SEPTIN9: variants seen among roughly 807,000 people sequenced by gnomAD.
SEPTIN9 encodes the protein septin-9.
SEPTIN9 carries 13 observed loss-of-function variants against 56.6 expected under a neutral mutation model. The observed-to-expected ratio is 0.23, with a 90% CI of 0.15 to 0.37. SEPTIN9 has a LOEUF of 0.37. Ranked by LOEUF, SEPTIN9 falls within the 10% of genes least tolerant of loss-of-function variation. SEPTIN9 has a pLI of 1.00. For missense variants in SEPTIN9, 650 were observed against 823.1 expected, an observed-to-expected ratio of 0.79 and a Z score of 2.57; for synonymous variants, 332 against 334.1, an observed-to-expected ratio of 0.99 and a Z score of 0.07.
At position 77,421,671 on chromosome 17, in the gene SEPTIN9, C is replaced by A. The variant is rs2036706520; in HGVS notation, c.721+18968C>A. Among the ~76,000 whole-genome samples, 1 of 152,172 alleles carries A rather than the reference C, an allele frequency of 6.6e-6. No individual in the cohort carries two copies. Among genetic ancestry groups the A allele is most frequent in the South Asian group, 2.1e-4 (1 of 4,830 alleles). On this transcript the variant is annotated intron_variant, in intron 3 of 11. Transcript: ENST00000427177. This position sits in a 1 kb window ranked among gnomAD's most constrained non-coding sequence, Gnocchi z 4.6. ...CTTTCTCTTTGGAACTGGAGTGGCT[C>A]CTCCACGGTGGATTGGGCTGAGCTC...
intron 3 of SEPTIN9, chr17:77,466,392 G>A (rs1007742771): frequency 1.9e-5 from 19 of 985,356 alleles, no homozygotes; most frequent in African/African-American, 5.2e-5. Flanking sequence ...GCTCCTTCCC[G>A]GAGTTCGGGC....
chr17:77,314,617 A>G (rs1410533553), intron 2 of SEPTIN9, among the ~76,000 whole-genome samples: 1 of 152,158 alleles, frequency 6.6e-6, no homozygotes, highest in Non-Finnish European at 1.5e-5. Flanking sequence ...CCAGAGCATC[A>G]GAAAGCATGC....
At chr17:77,350,805 C>T (rs573107751) in intron 2 of SEPTIN9, among the ~76,000 whole-genome samples, 2 of 152,344 alleles carry the variant, frequency 1.3e-5, no homozygotes, top group East Asian at 3.9e-4. Flanking sequence ...ATGCCTTCCA[C>T]AACTAGAAGG....
intron 1 of SEPTIN9, among the ~76,000 whole-genome samples, chr17:77,289,243 C>G (rs1007520038): frequency 5.2e-5 from 7 of 135,606 alleles, no homozygotes; most frequent in African/African-American, 1.6e-4. Flanking sequence ...ATTACAGGCA[C>G]GCGCCACCAT....
At chr17:77,365,513 T>C (rs780337774) in intron 2 of SEPTIN9, among the ~76,000 whole-genome samples, 62 of 152,188 alleles carry the variant, frequency 4.1e-4, no homozygotes, top group Admixed American at 1.8e-3. Flanking sequence ...AGGTAGGTAC[T>C]GAGCTCCCTG....
At position 77,282,364 on chromosome 17, in the gene SEPTIN9, A is replaced by T. The variant is rs186885455; in HGVS notation, c.19+810A>T. Among the ~76,000 whole-genome samples, 600 of 151,798 alleles carry T rather than the reference A, an allele frequency of 4.0e-3. 5 individuals carry two copies. Among genetic ancestry groups the T allele is most frequent in the Non-Finnish European group, 6.4e-3 (433 of 67,928 alleles). Reference sequence around the variant, plus strand: ...GCAGGCAGGATCCTTTGTCCTCCTCAGTCCTCAAATTATAAATAGCGTCTC... The same window carrying T: ...GCAGGCAGGATCCTTTGTCCTCCTCTGTCCTCAAATTATAAATAGCGTCTC... On this transcript the variant is annotated intron_variant, in intron 1 of 11. Coordinates refer to ENST00000427177, the MANE Select transcript of SEPTIN9 (RefSeq NM_001113491.2).
rs2033204758 is a variant in SEPTIN9 at position 77,327,904 on chromosome 17, G to A, written c.76+20707G>A. Reference sequence around the variant, plus strand: ...GTGTGATGGGGCTGCGGGGTTTCAGGTGGCAGGAGGCGTCCCCGTGCCTAG... The same window carrying A: ...GTGTGATGGGGCTGCGGGGTTTCAGATGGCAGGAGGCGTCCCCGTGCCTAG... On this transcript the variant is annotated intron_variant, in intron 2 of 11. Transcript: ENST00000427177. This position sits in a 1 kb window ranked among gnomAD's most constrained non-coding sequence, Gnocchi z 5.0. Among the ~76,000 whole-genome samples the A allele has an allele frequency of 6.6e-6, 1 of 152,224 alleles. No homozygotes were observed. Among genetic ancestry groups the A allele is most frequent in the Non-Finnish European group, 1.5e-5 (1 of 68,030 alleles).
chr17:77,429,344 C>G lies in SEPTIN9; in HGVS notation c.721+26641C>G, dbSNP rs1345203534. On this transcript the variant is annotated intron_variant, in intron 3 of 11. Coordinates refer to ENST00000427177, the MANE Select transcript of SEPTIN9 (RefSeq NM_001113491.2). The surrounding 1 kb of genome is among the most constrained non-coding windows in gnomAD (Gnocchi z 5.2). ...CGACTGGCTCCTGCAGCCCACCTGG[C>G]TGAGAGGTGTGCTGGCTCTCGCAGG... The G allele has an allele frequency of 6.5e-6, 3 of 461,644 alleles. No homozygotes were observed. Among genetic ancestry groups the G allele is most frequent in the Non-Finnish European group, 1.4e-5 (3 of 220,514 alleles). The allele number at this position is 461,644 out of a possible 1,614,324, so 28.6% of individuals were successfully genotyped here. A position where few individuals can be genotyped will look rare whatever the true frequency, so the allele number is the denominator to read the frequency against.
At chr17:77,393,691 G>A (rs578164532) in intron 2 of SEPTIN9, among the ~76,000 whole-genome samples, 1 of 152,252 alleles carries the variant, frequency 6.6e-6, no homozygotes, top group South Asian at 2.1e-4. Context: ...CTGGGTTCAA[G>A]CTATTCTGCC....
rs1002865004 is a variant in SEPTIN9 at position 77,369,434 on chromosome 17, G to A, written c.77-32625G>A. 6.6e-6 allele frequency among the ~76,000 whole-genome samples: 1 copy of A among 152,152 alleles called. No individual in the cohort carries two copies. On this transcript the variant is annotated intron_variant, in intron 2 of 11. Transcript: ENST00000427177. The surrounding 1 kb of genome is among the most constrained non-coding windows in gnomAD (Gnocchi z 4.9). ...AGACTAGAGGTAGAAACGCACCATG[G>A]TTTGGATGCTGAGGGTGAGGGAAAG...
chr17:77,412,084 C>T (rs1477374068), intron 3 of SEPTIN9, among the ~76,000 whole-genome samples: 2 of 145,398 alleles, frequency 1.4e-5, no homozygotes, highest in Non-Finnish European at 1.5e-5. Context: ...GAGCCAAGAT[C>T]GTGCCATTGC....
rs1411263224 is a variant in SEPTIN9, at chr17:77,466,104, ACACG to A, written c.722-16039_722-16036del. On this transcript the variant is annotated intron_variant, in intron 3 of 11. Transcript: ENST00000427177. ...CACACACACACACACACACACACAC[ACACG>A]AGTAAACTGTAACACAAATGTGTGC... 2.7e-3 allele frequency among the ~76,000 whole-genome samples: 379 copies of A among 137,924 alleles called. 8 individuals carry two copies. In the South Asian group the frequency reaches 0.044, roughly 16 times the overall value. 90.5% of individuals were successfully genotyped at this position (137,924 alleles called of 152,430 possible).
rs1277718098 is a variant in SEPTIN9 at position 77,425,493 on chromosome 17, A to T, written c.721+22790A>T. 1.3e-5 allele frequency among the ~76,000 whole-genome samples: 2 copies of T among 151,998 alleles called. No homozygotes were observed. Among genetic ancestry groups the T allele is most frequent in the East Asian group, 3.9e-4 (2 of 5,168 alleles). ...CCTGGCCCCCTCTCTGGTCATGGGG[A>T]CGCTGCCTGGGGGGGGTTCCCTTAC... On this transcript the variant is annotated intron_variant, in intron 3 of 11. Transcript: ENST00000427177. This position sits in a 1 kb window ranked among gnomAD's most constrained non-coding sequence, Gnocchi z 4.2.
rs559779894 is a variant in SEPTIN9 at position 77,369,425 on chromosome 17, C to T, written c.77-32634C>T. ...TTCGCAGAGAGACTAGAGGTAGAAA[C>T]GCACCATGGTTTGGATGCTGAGGGT... On this transcript the variant is annotated intron_variant, in intron 2 of 11. Transcript: ENST00000427177. This position sits in a 1 kb window ranked among gnomAD's most constrained non-coding sequence, Gnocchi z 4.9. Among the ~76,000 whole-genome samples, 5 of 152,156 alleles carry T rather than the reference C, an allele frequency of 3.3e-5. No individual in the cohort carries two copies. Among genetic ancestry groups the T allele is most frequent in the East Asian group, 3.9e-4 (2 of 5,174 alleles).
chr17:77,316,608 G>A (rs1362382999), intron 2 of SEPTIN9, among the ~76,000 whole-genome samples: 2 of 152,218 alleles, frequency 1.3e-5, no homozygotes, highest in Non-Finnish European at 2.9e-5. Context: ...AGCCAGGCTG[G>A]GTCAGAGCCT....
Position 77,451,472 on chromosome 17 carries a change from G to A in SEPTIN9, c.722-30672G>A. The A allele has an allele frequency of 1.0e-6, 1 of 985,882 alleles. No homozygotes were observed. The highest frequency in any genetic ancestry group is 1.2e-6 in the Non-Finnish European group (1 of 830,300). The allele number at this position is 985,882 out of a possible 1,614,324, so 61.1% of individuals were successfully genotyped here. A position where few individuals can be genotyped will look rare whatever the true frequency, so the allele number is the denominator to read the frequency against. On this transcript the variant is annotated intron_variant, in intron 3 of 11. Coordinates refer to ENST00000427177, the MANE Select transcript of SEPTIN9 (RefSeq NM_001113491.2). The surrounding 1 kb of genome is among the most constrained non-coding windows in gnomAD (Gnocchi z 4.2). ...TGCTCGGCTCTGAGCCATGTGACCC[G>A]GTGGGCGGGCCGCGGCTCTCGGCGC... is the stretch of plus-strand genomic sequence containing the variant.
At chr17:77,380,131 C>T (rs999307881) in intron 2 of SEPTIN9, 2 of 171,358 alleles carry the variant, frequency 1.2e-5, no homozygotes, top group African/African-American at 4.8e-5. Flanking sequence ...TCCGTTTAGA[C>T]TGGGCCAGCA....
intron 3 of SEPTIN9, among the ~76,000 whole-genome samples, chr17:77,479,455 G>A (rs1197793934): frequency 1.3e-5 from 2 of 152,258 alleles, no homozygotes; most frequent in Non-Finnish European, 2.9e-5. Context: ...GGGCCAGCCG[G>A]GGCCTGCAAG....
At chr17:77,376,258 G>A (rs2034915488) in intron 2 of SEPTIN9, 2 of 985,892 alleles carry the variant, frequency 2.0e-6, no homozygotes, top group African/African-American at 3.5e-5. Flanking sequence ...GCCAGGCTGC[G>A]GAGGGCCAGG....
Sources: allele counts gnomAD v4.1 joint callset (sites outside exome capture counted in the v4.1 genomes callset), GRCh38; gene constraint gnomAD v4.1.1; non-coding constraint Gnocchi (gnomAD v3.1); transcripts MANE v1.5; gene names NCBI Gene and HGNC (gene_info 2026-07-23, HGNC 2026-07-21).